The following STOX2 variants were observed in gnomAD, a reference collection of about 807,000 sequenced individuals.
STOX2 encodes storkhead-box protein 2.
In STOX2, 28 loss-of-function variants were observed where a neutral mutation model predicts 60.9. That is an observed-to-expected ratio of 0.46 (90% CI 0.34 to 0.63). The LOEUF (loss-of-function observed/expected upper bound fraction) is 0.63, where lower values mean the gene tolerates loss of function less well. Among genes scored for constraint, STOX2 ranks in the 30% least tolerant of loss-of-function variants. STOX2 has a pLI of 0.01. For missense variants in STOX2, 1,024 were observed against 1,187.7 expected, an observed-to-expected ratio of 0.86 and a Z score of 2.03; for synonymous variants, 472 against 463.9, an observed-to-expected ratio of 1.02 and a Z score of -0.22.
intron 1 of STOX2, among the ~76,000 whole-genome samples, chr4:183,932,187 T>A (rs1483536447): frequency 6.6e-6 from 1 of 151,898 alleles, no homozygotes; most frequent in Non-Finnish European, 1.5e-5. Flanking sequence ...TTTGCTTGGA[T>A]GGAAATGCAT....
chr4:183,907,099 C>T (rs1741641346), intron 1 of STOX2, 143 bp downstream of exon 1: 1 of 693,696 alleles, frequency 1.4e-6, no homozygotes, highest in African/African-American at 1.8e-5. Flanking sequence ...TAGCTCCCAT[C>T]CACCATTTTG....
chr4:183,917,331 T>A (rs1579413925), intron 1 of STOX2, among the ~76,000 whole-genome samples: 1 of 152,344 alleles, frequency 6.6e-6, no homozygotes, highest in East Asian at 1.9e-4. Flanking sequence ...TGGGGTAGTT[T>A]AGCTGTAACC....
chr4:183,937,096 T>C (rs1414386645), intron 1 of STOX2, among the ~76,000 whole-genome samples: 3 of 152,232 alleles, frequency 2.0e-5, no homozygotes, highest in Non-Finnish European at 2.9e-5. Context: ...GGGCAGTGTA[T>C]GCATGTCTTT....
At chr4:183,885,360 T>C (rs774652431) in intron 1 of STOX2, among the ~76,000 whole-genome samples, 1 of 152,224 alleles carries the variant, frequency 6.6e-6, no homozygotes, top group Non-Finnish European at 1.5e-5. Flanking sequence ...CTTATGTAGC[T>C]GATCAGTCCG....
At chr4:183,809,476 G>A (rs866396711) in intron 1 of STOX2, among the ~76,000 whole-genome samples, 27 of 152,276 alleles carry the variant, frequency 1.8e-4, no homozygotes, top group South Asian at 1.0e-3. Context: ...TCGGCTAACT[G>A]CAACCTCTGC....
chr4:183,910,792 C>A (rs1197551892), intron 1 of STOX2, among the ~76,000 whole-genome samples: 3 of 152,310 alleles, frequency 2.0e-5, no homozygotes, highest in African/African-American at 4.8e-5. Flanking sequence ...AAGCCCTAAA[C>A]TGACATTGCA....
At chr4:183,843,191 T>A (rs1579325814) in intron 1 of STOX2, among the ~76,000 whole-genome samples, 1 of 151,406 alleles carries the variant, frequency 6.6e-6, no homozygotes, top group African/African-American at 2.4e-5. Context: ...AGAAAAATGT[T>A]TTTAAAATAA....
intron 1 of STOX2, among the ~76,000 whole-genome samples, chr4:183,840,213 C>T (rs565486993): frequency 1.3e-5 from 2 of 152,196 alleles, no homozygotes; most frequent in East Asian, 3.9e-4. Flanking sequence ...GTTCTAATAC[C>T]TTATTGTTAC....
At chr4:183,971,047 A>G (rs543235300) in intron 1 of STOX2, among the ~76,000 whole-genome samples, 11 of 152,216 alleles carry the variant, frequency 7.2e-5, no homozygotes, top group Non-Finnish European at 1.6e-4. Context: ...GGTTATTTGT[A>G]CATGGTAGTG....
intron 1 of STOX2, among the ~76,000 whole-genome samples, chr4:183,910,571 G>A (rs984994671): frequency 2.0e-4 from 31 of 152,054 alleles, no homozygotes; most frequent in African/African-American, 7.2e-4. Flanking sequence ...AAAGTTTTGG[G>A]GGACATCCTT....
At chr4:184,008,509 C>T (rs933774433) in intron 2 of STOX2, among the ~76,000 whole-genome samples, 2 of 151,784 alleles carry the variant, frequency 1.3e-5, no homozygotes, top group South Asian at 2.1e-4. Context: ...TACTGACTGA[C>T]GCCAAAAAGG....
chr4:183,822,649 G>A (rs988947323), intron 1 of STOX2, among the ~76,000 whole-genome samples: 1 of 152,202 alleles, frequency 6.6e-6, no homozygotes, highest in African/African-American at 2.4e-5. Context: ...CGCAGCTCAG[G>A]TGGCCATCTG....
intron 1 of STOX2, among the ~76,000 whole-genome samples, chr4:183,945,277 C>T (rs935214658): frequency 2.6e-5 from 4 of 151,898 alleles, no homozygotes; most frequent in African/African-American, 4.8e-5. Context: ...TTGCAGAATT[C>T]GGGGGTTGGA....
intron 1 of STOX2, among the ~76,000 whole-genome samples, chr4:183,973,262 T>A (rs1223691591): frequency 1.3e-5 from 2 of 152,156 alleles, no homozygotes; most frequent in Admixed American, 6.6e-5. Context: ...AAGAAATGCA[T>A]GCCCTGACAC....
At position 183,905,988 on chromosome 4, in the gene STOX2, C is replaced by T. The variant is rs1741584194; in HGVS notation, c.-803C>T. 6.6e-6 allele frequency: 1 copy of T among 152,350 alleles called. No individual in the cohort carries two copies. 9.4% of individuals were successfully genotyped at this position (152,350 alleles called of 1,614,324 possible). A position where few individuals can be genotyped will look rare whatever the true frequency, so the allele number is the denominator to read the frequency against. The stretch of plus-strand genomic sequence containing the variant: ...CGCGCGCACGCACAGCGCCCGGAGC[C>T]TCGGCAAGGGGAAGATTGACGAGGC... On this transcript the variant is annotated 5_prime_UTR_variant, in exon 1 of 4. Coordinates refer to ENST00000308497, the MANE Select transcript of STOX2 (RefSeq NM_020225.3).
chr4:183,903,498 A>G (rs1560872738), upstream of STOX2, among the ~76,000 whole-genome samples: 2 of 152,100 alleles, frequency 1.3e-5, no homozygotes, highest in African/African-American at 4.8e-5. Context: ...TCTCTTCCAT[A>G]CTAGACGGTT....
intron 1 of STOX2, among the ~76,000 whole-genome samples, chr4:183,878,620 A>C (rs1183116323): frequency 6.6e-6 from 1 of 152,200 alleles, no homozygotes; most frequent in Non-Finnish European, 1.5e-5. Flanking sequence ...TTCATTGTGC[A>C]CCTTTAATGA....
chr4:183,860,071 C>T (rs1444763414), intron 1 of STOX2, among the ~76,000 whole-genome samples: 1 of 146,366 alleles, frequency 6.8e-6, no homozygotes, highest in Non-Finnish European at 1.5e-5. Flanking sequence ...ATATCTGTGT[C>T]CCTTTAAAAT....
intron 1 of STOX2, among the ~76,000 whole-genome samples, chr4:183,940,428 C>G (rs910062721): frequency 1.3e-5 from 2 of 152,320 alleles, no homozygotes; most frequent in Non-Finnish European, 1.5e-5. Flanking sequence ...AGCCCGGTTA[C>G]TCCGGGGATG....
Sources: allele counts gnomAD v4.1 joint callset (sites outside exome capture counted in the v4.1 genomes callset), GRCh38; gene constraint gnomAD v4.1.1; transcripts MANE v1.5; gene names NCBI Gene and HGNC (gene_info 2026-07-23, HGNC 2026-07-21).